The following KIFC3 variants were observed in gnomAD, a reference collection of about 807,000 sequenced individuals.
KIFC3 encodes the protein kinesin family member C3, also known as kinesin-like protein KIFC3.
A neutral mutation model predicts 101.8 loss-of-function variants in KIFC3; 60 were observed. The observed-to-expected ratio is 0.59, with a 90% CI of 0.48 to 0.73. The LOEUF (loss-of-function observed/expected upper bound fraction) is 0.73. Among genes scored for constraint, KIFC3 ranks in the 30% least tolerant of loss-of-function variants. KIFC3 has a pLI of 0.00. For synonymous variants in KIFC3, 476 were observed against 482.7 expected (o/e 0.99, Z 0.18); for missense variants, 966 against 1,137.1 (o/e 0.85, Z 2.16).
At chr16:57,768,540 C>CACACACACACACACACACAA (rs1567960344) in intron 9 of KIFC3, among the ~76,000 whole-genome samples, 2 of 151,986 alleles carry the variant, frequency 1.3e-5, no homozygotes, top group Non-Finnish European at 1.5e-5. Context: ...CACACACGCA[C>CACACACACACACACACACAA]AATTGGCTTA....
intron 1 of KIFC3, among the ~76,000 whole-genome samples, chr16:57,849,764 G>T (rs1320503878): frequency 6.6e-6 from 1 of 152,110 alleles, no homozygotes; most frequent in Non-Finnish European, 1.5e-5. Context: ...TTAGCCGGGT[G>T]TGGTGGTGTG....
In KIFC3 at chr16:57,802,395, C is replaced by A. The variant is rs2054793259; in HGVS notation, c.-65G>T. The stretch of plus-strand genomic sequence containing the variant: ...CGGCCTGGCGGAGGCAGGATCCAGG[C>A]GTCGCCGCAGCGCCCGGGGCTCGGC... On this transcript the variant is annotated 5_prime_UTR_variant, in exon 1 of 20. Coordinates refer to ENST00000445690, the MANE Select transcript of KIFC3 (RefSeq NM_001130100.2). This position sits in a 1 kb window ranked among gnomAD's most constrained non-coding sequence, Gnocchi z 5.0. The A allele has an allele frequency of 2.0e-6, 2 of 983,404 alleles. No individual in the cohort carries two copies. The highest frequency in any genetic ancestry group is 3.5e-5 in the African/African-American group (2 of 57,074). The allele number at this position is 983,404 out of a possible 1,614,324, so 60.9% of individuals were successfully genotyped here. A position where few individuals can be genotyped will look rare whatever the true frequency, so the allele number is the denominator to read the frequency against.
intron 3 of KIFC3, among the ~76,000 whole-genome samples, chr16:57,785,140 G>A (rs1376318053): frequency 2.0e-5 from 3 of 152,194 alleles, no homozygotes; most frequent in Admixed American, 2.0e-4. Flanking sequence ...GAAGCACCCC[G>A]CACCTTCCTG....
intron 1 of KIFC3, among the ~76,000 whole-genome samples, chr16:57,827,332 T>G (rs1232531908): frequency 6.6e-6 from 1 of 152,236 alleles, no homozygotes; most frequent in Non-Finnish European, 1.5e-5. Flanking sequence ...CCAAGGCCAC[T>G]GCCGGCTGCA....
chr16:57,803,506 G>A, upstream of KIFC3: 1 of 415,466 alleles, frequency 2.4e-6, no homozygotes, highest in Non-Finnish European at 4.8e-6. Flanking sequence ...TCAGGGGATG[G>A]CCCAAGAAGA....
chr16:57,824,817 G>A (rs1205307939), intron 1 of KIFC3, among the ~76,000 whole-genome samples: 1 of 152,164 alleles, frequency 6.6e-6, no homozygotes, highest in Non-Finnish European at 1.5e-5. Flanking sequence ...CTTTTTCTAA[G>A]GAATTTTTGT....
chr16:57,810,549 C>A, intron 1 of KIFC3: 1 of 527,490 alleles, frequency 1.9e-6, no homozygotes, highest in Non-Finnish European at 2.4e-6. Context: ...GAGGAAGCAG[C>A]AAGGATCCTG....
At chr16:57,815,703 C>A in intron 1 of KIFC3, 1 of 1,237,618 alleles carries the variant, frequency 8.1e-7, no homozygotes, top group Non-Finnish European at 1.1e-6. Flanking sequence ...AGAAGGGGAG[C>A]AAATATCTGT....
chr16:57,833,788 G>A (rs1041853516), intron 1 of KIFC3, among the ~76,000 whole-genome samples: 1 of 151,576 alleles, frequency 6.6e-6, no homozygotes, highest in Admixed American at 6.6e-5. Context: ...GACCTAGGGA[G>A]TATCAGTAGC....
At chr16:57,824,922 A>G (rs1321764401) in intron 1 of KIFC3, among the ~76,000 whole-genome samples, 7 of 152,074 alleles carry the variant, frequency 4.6e-5, no homozygotes, top group East Asian at 1.9e-4. Context: ...GGGATGACCA[A>G]TGTGAGCCAG....
At chr16:57,760,112 C>T (rs1319534719) in intron 17 of KIFC3, 170 bp downstream of exon 17, 2 of 811,260 alleles carry the variant, frequency 2.5e-6, no homozygotes, top group Admixed American at 2.4e-5. Context: ...GAAGAAATAC[C>T]TGTACTGAAG....
intron 3 of KIFC3, chr16:57,775,520 A>G: frequency 1.0e-6 from 1 of 987,300 alleles, no homozygotes; most frequent in Non-Finnish European, 1.2e-6. Context: ...GAAGTCAGAG[A>G]GAAACGGAGG....
At chr16:57,759,561 C>G in intron 18 of KIFC3, 167 bp downstream of exon 18, 1 of 604,704 alleles carries the variant, frequency 1.7e-6, no homozygotes, top group South Asian at 2.1e-5. Context: ...ACAGCACTGT[C>G]TGCCCTGACT....
At chr16:57,763,524 A>T (rs549959169) in intron 12 of KIFC3, among the ~76,000 whole-genome samples, 34 of 152,054 alleles carry the variant, frequency 2.2e-4, no homozygotes, top group Admixed American at 4.6e-4. Context: ...CACCCCTCAG[A>T]GCCAGGGCTA....
chr16:57,818,167 G>A (rs546674097), intron 1 of KIFC3, among the ~76,000 whole-genome samples: 7 of 152,038 alleles, frequency 4.6e-5, no homozygotes. Context: ...GGCTGGTCTC[G>A]AACTCCTGAC....
intron 3 of KIFC3, among the ~76,000 whole-genome samples, chr16:57,785,068 G>A (rs2053174925): frequency 6.6e-6 from 1 of 152,208 alleles, no homozygotes; most frequent in Non-Finnish European, 1.5e-5. Context: ...CATCTGATGA[G>A]TTTTGTCCGC....
intron 1 of KIFC3, among the ~76,000 whole-genome samples, chr16:57,828,817 GCCCCTCAC>G (rs1568092799): frequency 6.6e-6 from 1 of 151,750 alleles, no homozygotes; most frequent in Non-Finnish European, 1.5e-5. Context: ...CCACGCACAA[GCCCCTCAC>G]CCCCCAGCAG....
chr16:57,793,222 G>T (rs1476144305), intron 3 of KIFC3, among the ~76,000 whole-genome samples: 1 of 151,552 alleles, frequency 6.6e-6, no homozygotes, highest in Non-Finnish European at 1.5e-5. Context: ...GGAGGTGAAG[G>T]TTGCAGTGGG....
rs572286484 is a variant in KIFC3, at chr16:57,760,151, G to A, written c.2367+131C>T. On this transcript the variant is annotated intron_variant, in intron 17 of 19. Coordinates refer to ENST00000445690, the MANE Select transcript of KIFC3 (RefSeq NM_001130100.2). ...CTGCTGGCTGTGGGTTCCAGCCGTA[G>A]CTCCACCCAACTCCGGCAGCTTCCC... The A allele has an allele frequency of 7.9e-5, 88 of 1,111,602 alleles. 1 individual carries two copies. In the South Asian group the frequency reaches 1.3e-3, roughly 16 times the overall value. 68.9% of individuals were successfully genotyped at this position (1,111,602 alleles called of 1,614,324 possible).
Sources: allele counts gnomAD v4.1 joint callset (sites outside exome capture counted in the v4.1 genomes callset), GRCh38; gene constraint gnomAD v4.1.1; non-coding constraint Gnocchi (gnomAD v3.1); transcripts MANE v1.5; gene names NCBI Gene and HGNC (gene_info 2026-07-23, HGNC 2026-07-21).